Variants in ZNF267 observed in about 807,000 individuals in gnomAD.
ZNF267 encodes the protein zinc finger protein 267.
ZNF267 carries 61 observed loss-of-function variants against 71.6 expected under a neutral mutation model. The ratio of observed to expected loss-of-function variants is 0.85; its 90% CI spans 0.69 to 1.05. The LOEUF is 1.05. Ranked by LOEUF, ZNF267 falls within the 50% of genes least tolerant of loss-of-function variation. ZNF267 has a pLI of 0.00. For missense variants in ZNF267, 852 were observed against 870.0 expected, an observed-to-expected ratio of 0.98 and a Z score of 0.26; for synonymous variants, 288 against 293.2, an observed-to-expected ratio of 0.98 and a Z score of 0.18.
intron 3 of ZNF267, among the ~76,000 whole-genome samples, chr16:31,902,111 C>T (rs530717799): frequency 1.0e-3 from 157 of 152,186 alleles, no homozygotes; most frequent in African/African-American, 3.4e-3. Context: ...TGTAGATATG[C>T]GGCATTATTT....
intron 3 of ZNF267, among the ~76,000 whole-genome samples, chr16:31,906,607 G>A (rs535017620): frequency 5.3e-5 from 8 of 152,292 alleles, no homozygotes; most frequent in East Asian, 3.9e-4. Context: ...CTGGTGTGCC[G>A]TTTGTTAAGC....
At chr16:31,877,627 CAG>C (rs1337928200) in intron 1 of ZNF267, among the ~76,000 whole-genome samples, 1 of 152,116 alleles carries the variant, frequency 6.6e-6, no homozygotes, top group Non-Finnish European at 1.5e-5. Context: ...ACACTGAAGA[CAG>C]AGCTGTTCAG....
intron 3 of ZNF267, among the ~76,000 whole-genome samples, chr16:31,899,494 G>T (rs1308349685): frequency 6.6e-6 from 1 of 152,146 alleles, no homozygotes; most frequent in Admixed American, 6.5e-5. Flanking sequence ...TGAGAACAAA[G>T]ACACAACATA....
rs2083983764 is a variant in ZNF267, at chr16:31,894,566, T to A, written c.226+9310T>A. On this transcript the variant is annotated intron_variant, in intron 3 of 3. Transcript: ENST00000300870. ...TCAAGTGCTGCTCATAATCGCGCTC[T>A]CACCTTTTCATCCAGAGCTTTGTGC... The A allele has an allele frequency of 8.0e-6, 4 of 500,910 alleles. No individual in the cohort carries two copies. In the Admixed American group the frequency reaches 9.1e-5, roughly 11 times the overall value. The allele number at this position is 500,910 out of a possible 1,614,324, so 31.0% of individuals were successfully genotyped here. A position where few individuals can be genotyped will look rare whatever the true frequency, so the allele number is the denominator to read the frequency against.
At chr16:31,911,400 C>T (rs1414573969) in intron 3 of ZNF267, among the ~76,000 whole-genome samples, 1 of 151,452 alleles carries the variant, frequency 6.6e-6, no homozygotes, top group African/African-American at 2.4e-5. Context: ...TGAATTGATC[C>T]CTTTATCATA....
At chr16:31,895,292 G>A (rs1337841635) in intron 3 of ZNF267, among the ~76,000 whole-genome samples, 1 of 152,192 alleles carries the variant, frequency 6.6e-6, no homozygotes, top group Non-Finnish European at 1.5e-5. Context: ...TCAAATGACA[G>A]GATTTTATTC....
chr16:31,916,265 G>A lies in ZNF267; in HGVS notation c.2016G>A (p.Arg672=). Residue 672 remains arginine (R), a synonymous_variant, in exon 4 of 4, where the codon AGG becomes AGA. Coordinates refer to ENST00000300870, the MANE Select transcript of ZNF267 (RefSeq NM_003414.6). ...CEECGKAFNS[R]SYLTTHRRRH... is the part of the protein sequence containing the mutation. ...AATGTGGCAAAGCCTTCAACTCTAG[G>A]TCATACCTCACTACACATCGGAGAA... The A allele has an allele frequency of 6.2e-7, 1 of 1,613,932 alleles. No homozygotes were observed.
intron 3 of ZNF267, among the ~76,000 whole-genome samples, chr16:31,897,314 A>T (rs1203280526): frequency 6.6e-6 from 1 of 152,164 alleles, no homozygotes; most frequent in Non-Finnish European, 1.5e-5. Flanking sequence ...GTCCAACTTT[A>T]TTCTTTCCCA....
At chr16:31,907,899 C>T (rs147685407) in intron 3 of ZNF267, among the ~76,000 whole-genome samples, 230 of 151,854 alleles carry the variant, frequency 1.5e-3, no homozygotes, top group African/African-American at 5.2e-3. Context: ...AAAAATTAGC[C>T]GGGTGTGGTG....
chr16:31,909,626 C>T (rs1454625736), intron 3 of ZNF267, among the ~76,000 whole-genome samples: 2 of 152,084 alleles, frequency 1.3e-5, no homozygotes, highest in Non-Finnish European at 2.9e-5. Flanking sequence ...CATTTTATAT[C>T]CTGCAACTTT....
chr16:31,890,995 A>G (rs2083956549), intron 3 of ZNF267, among the ~76,000 whole-genome samples: 1 of 151,750 alleles, frequency 6.6e-6, no homozygotes, highest in Non-Finnish European at 1.5e-5. Flanking sequence ...TTACAGTTTT[A>G]TTGTTTTCTG....
chr16:31,902,987 T>C (rs1375082650), intron 3 of ZNF267, among the ~76,000 whole-genome samples: 1 of 152,248 alleles, frequency 6.6e-6, no homozygotes, highest in Non-Finnish European at 1.5e-5. Context: ...TTGAGAGTTT[T>C]TAGCATGAAG....
chr16:31,909,158 C>G (rs1354439176), intron 3 of ZNF267, among the ~76,000 whole-genome samples: 1 of 108,362 alleles, frequency 9.2e-6, no homozygotes. Flanking sequence ...ACGTATCTCC[C>G]TCTTGTCGCC....
At chr16:31,903,913 T>C (rs2084064203) in intron 3 of ZNF267, among the ~76,000 whole-genome samples, 1 of 152,250 alleles carries the variant, frequency 6.6e-6, no homozygotes, top group African/African-American at 2.4e-5. Context: ...TGCTTTCTCT[T>C]GTGGGCATTT....
intron 3 of ZNF267, among the ~76,000 whole-genome samples, chr16:31,897,155 A>AC (rs1004944417): frequency 3.3e-5 from 5 of 151,392 alleles, no homozygotes; most frequent in African/African-American, 1.2e-4. Flanking sequence ...AACAAAACAA[A>AC]ACAAAAAAAA....
chr16:31,915,157 A>C lies in ZNF267; in HGVS notation c.908A>C (p.Asp303Ala). Residue 303 changes from aspartate (D) to alanine (A), a missense_variant, in exon 4 of 4, where the codon GAT becomes GCT. Coordinates refer to ENST00000300870, the MANE Select transcript of ZNF267 (RefSeq NM_003414.6). ...TATAGCTATAACAAATATGATAAAG[A>C]TCTTAGTCAGTCATCAAATCTTAGA... ...NSYSYNKYDK[D>A]LSQSSNLRKQ... is the part of the protein sequence containing the mutation. 2 of 1,613,048 alleles carry C rather than the reference A, an allele frequency of 1.2e-6. No homozygotes were observed. Among genetic ancestry groups the C allele is most frequent in the East Asian group, 4.5e-5 (2 of 44,808 alleles).
In ZNF267 at chr16:31,893,451, T is replaced by A. The variant is rs187808022; in HGVS notation, c.226+8195T>A. ...CGGCTCTTCATTACTTATGGAAATA[T>A]CTGCAGCTGGCCTGAATTTCTTCTC... On this transcript the variant is annotated intron_variant, in intron 3 of 3. Transcript: ENST00000300870. Among the ~76,000 whole-genome samples, 3 of 152,372 alleles carry A rather than the reference T, an allele frequency of 2.0e-5. No individual in the cohort carries two copies. The East Asian group carries it at 5.8e-4, about 29-fold the overall frequency.
chr16:31,876,243 G>A (rs549719288), intron 1 of ZNF267, among the ~76,000 whole-genome samples: 1 of 152,242 alleles, frequency 6.6e-6, no homozygotes, highest in East Asian at 1.9e-4. Flanking sequence ...TTTGGAGACA[G>A]GATCTCTCCT....
In ZNF267 at chr16:31,915,931, C is replaced by A; in HGVS notation, c.1682C>A (p.Ser561Ter). 6.2e-7 allele frequency: 1 copy of A among 1,613,920 alleles called. No individual in the cohort carries two copies. The highest frequency in any genetic ancestry group is 8.5e-7 in the Non-Finnish European group (1 of 1,179,976). Residue 561 changes from serine to a stop codon, truncating the protein, a stop_gained, in exon 4 of 4, where the codon TCA becomes TAA. Coordinates refer to ENST00000300870, the MANE Select transcript of ZNF267 (RefSeq NM_003414.6). LOFTEE classifies it high-confidence loss of function. ...TGTGGCAAAGCCTTTCCTTATAGTT[C>A]ACACCTTATTCGACATCATCGAATT... ...KECGKAFPYS[S>*]HLIRHHRIHT... is the part of the protein sequence containing the mutation.
Sources: allele counts gnomAD v4.1 joint callset (sites outside exome capture counted in the v4.1 genomes callset), GRCh38; gene constraint gnomAD v4.1.1; transcripts MANE v1.5; gene names NCBI Gene and HGNC (gene_info 2026-07-23, HGNC 2026-07-21).